The following PHF2 variants were observed in gnomAD, a reference collection of about 807,000 sequenced individuals.
The protein encoded by PHF2 is lysine-specific demethylase PHF2.
Under a neutral mutation model 120.5 loss-of-function variants are expected in PHF2, and 27 were observed. The observed-to-expected ratio is 0.22, with a 90% confidence interval of 0.17 to 0.31. The LOEUF (loss-of-function observed/expected upper bound fraction) is 0.31. Ranked by LOEUF, PHF2 falls within the 10% of genes least tolerant of loss-of-function variation. The pLI, the probability that PHF2 is intolerant of heterozygous loss-of-function variation, is 1.00. For missense variants in PHF2, 1,024 were observed against 1,434.8 expected (o/e 0.71, Z 4.63); for synonymous variants, 568 against 592.5 (o/e 0.96, Z 0.60).
intron 1 of PHF2, among the ~76,000 whole-genome samples, chr9:93,577,398 A>G (rs1173627208): frequency 2.0e-5 from 3 of 151,824 alleles, no homozygotes; most frequent in Non-Finnish European, 2.9e-5. Context: ...AGGGCTGGGG[A>G]GTCCGTGGGG....
At chr9:93,654,360 C>T in intron 6 of PHF2, 53 bp from the exon 7 acceptor site, 1 of 1,581,220 alleles carries the variant, frequency 6.3e-7, no homozygotes, top group South Asian at 1.1e-5. Flanking sequence ...CACTTGCACC[C>T]CCGACCCCCG....
chr9:93,580,703 A>G (rs989245925), intron 1 of PHF2, among the ~76,000 whole-genome samples: 3 of 152,176 alleles, frequency 2.0e-5, no homozygotes, highest in Non-Finnish European at 4.4e-5. Context: ...AGAAATTGAA[A>G]GCTGTTCAGG....
chr9:93,610,386 A>T (rs1317764884), intron 1 of PHF2, among the ~76,000 whole-genome samples: 3 of 152,104 alleles, frequency 2.0e-5, no homozygotes, highest in African/African-American at 7.2e-5. Flanking sequence ...CGGTCTATTG[A>T]TGAGCCCTTC....
intron 3 of PHF2, among the ~76,000 whole-genome samples, chr9:93,642,980 G>A (rs970600446): frequency 3.3e-5 from 5 of 151,756 alleles, no homozygotes; most frequent in East Asian, 3.9e-4. Flanking sequence ...GTGCCTTGCC[G>A]CATCCTCTTG....
intron 14 of PHF2, among the ~76,000 whole-genome samples, chr9:93,665,433 G>C (rs1433373916): frequency 6.6e-6 from 1 of 152,226 alleles, no homozygotes; most frequent in East Asian, 1.9e-4. Flanking sequence ...CCTCCTGTGG[G>C]CAGATAGCTT....
Position 93,645,701 on chromosome 9 carries a change from C to T in PHF2, c.372C>T (p.Thr124=), listed in dbSNP as rs9695734. ...TLGYMEEHGF[T]EPILVPKKDG... The stretch of plus-strand genomic sequence containing the variant: ...GCTACATGGAGGAGCACGGCTTCAC[C>T]GAGCCCATCCTCGTCCCTAAGAAAG... The change falls in exon 4 of 22, where the codon ACC becomes ACT. Residue 124 remains threonine, a synonymous_variant. Transcript: ENST00000359246. The T allele has an allele frequency of 0.16, 259,008 of 1,612,274 alleles. 21,884 individuals carry two copies. The highest frequency in any genetic ancestry group is 0.18 in the Non-Finnish European group (207,223 of 1,179,350).
chr9:93,620,033 A>G (rs1181322141), intron 1 of PHF2, among the ~76,000 whole-genome samples: 1 of 152,130 alleles, frequency 6.6e-6, no homozygotes, highest in Non-Finnish European at 1.5e-5. Flanking sequence ...AGCTCAGCCA[A>G]ATGCCCTGCT....
In PHF2 at chr9:93,645,693, G is replaced by A. The variant is rs1408839291; in HGVS notation, c.364G>A (p.Gly122Ser). Residue 122 changes from glycine (G) to serine (S), a missense_variant, in exon 4 of 22, where the codon GGC (glycine) becomes AGC (serine). By Grantham distance (56) the Gly-to-Ser change is moderately conservative. This residue lies in a region of PHF2 where 347 missense variants were observed against 577.4 expected (regional missense o/e 0.60). Coordinates refer to ENST00000359246, the MANE Select transcript of PHF2 (RefSeq NM_005392.4). Reference sequence around the variant, plus strand: ...CACGCTGGGCTACATGGAGGAGCACGGCTTCACCGAGCCCATCCTCGTCCC... The same window carrying A: ...CACGCTGGGCTACATGGAGGAGCACAGCTTCACCGAGCCCATCCTCGTCCC... ...QLTLGYMEEH[G>S]FTEPILVPKK... 3.7e-6 allele frequency: 6 copies of A among 1,612,902 alleles called. No homozygotes were observed. Among genetic ancestry groups the A allele is most frequent in the Non-Finnish European group, 5.1e-6 (6 of 1,179,592 alleles).
At chr9:93,610,543 CT>C (rs765284370) in intron 1 of PHF2, among the ~76,000 whole-genome samples, 6 of 152,220 alleles carry the variant, frequency 3.9e-5, no homozygotes, top group Non-Finnish European at 7.3e-5. Flanking sequence ...AATTTGTGAT[CT>C]GATCATTGCA....
At chr9:93,667,545 T>G (rs899305423) in intron 17 of PHF2, among the ~76,000 whole-genome samples, 4 of 152,202 alleles carry the variant, frequency 2.6e-5, no homozygotes, top group Non-Finnish European at 4.4e-5. Context: ...AATTTCCACA[T>G]GTACTACAGA....
In PHF2 at chr9:93,678,101, TA is replaced by T. The variant is rs942760548; in HGVS notation, c.*434del. On this transcript the variant is annotated 3_prime_UTR_variant, in exon 22 of 22. Coordinates refer to ENST00000359246, the MANE Select transcript of PHF2 (RefSeq NM_005392.4). ...CACAGGCTGGCAGCCTCCAGGGGCT[TA>T]AAAAAAAAGGCAAAGAACACAGAAA... 41 of 160,646 alleles carry T rather than the reference TA, an allele frequency of 2.6e-4. No homozygotes were observed. The highest frequency in any genetic ancestry group is 4.2e-4 in the Non-Finnish European group (31 of 74,374). 10.0% of individuals were successfully genotyped at this position (160,646 alleles called of 1,614,324 possible).
intron 1 of PHF2, among the ~76,000 whole-genome samples, chr9:93,604,336 C>CTT (rs1171344507): frequency 6.1e-5 from 8 of 131,736 alleles, no homozygotes; most frequent in East Asian, 2.1e-4. Context: ...AGCGAGACTT[C>CTT]TTTTTTTTTT....
At chr9:93,669,870 G>A (rs927086476) in intron 17 of PHF2, among the ~76,000 whole-genome samples, 3 of 152,172 alleles carry the variant, frequency 2.0e-5, no homozygotes, top group African/African-American at 7.2e-5. Context: ...CCACTGCCCT[G>A]GGTGCCTCAG....
intron 1 of PHF2, among the ~76,000 whole-genome samples, chr9:93,578,437 A>T (rs1862874355): frequency 6.6e-6 from 1 of 152,170 alleles, no homozygotes; most frequent in African/African-American, 2.4e-5. Flanking sequence ...ATATCCAGGG[A>T]TGCTGAGCTG....
intron 12 of PHF2, 105 bp downstream of exon 12, chr9:93,660,665 C>A (rs1826548681): frequency 8.9e-7 from 1 of 1,117,932 alleles, no homozygotes. Context: ...TCCTTGTTCC[C>A]CAGGGGCCCC....
intron 17 of PHF2, among the ~76,000 whole-genome samples, chr9:93,669,158 A>C (rs1826735613): frequency 1.3e-5 from 2 of 152,208 alleles, no homozygotes. Flanking sequence ...CCCAGACGGC[A>C]TGGCATGGAC....
At chr9:93,626,879 A>T (rs1825922639) in intron 1 of PHF2, among the ~76,000 whole-genome samples, 1 of 152,252 alleles carries the variant, frequency 6.6e-6, no homozygotes, top group Non-Finnish European at 1.5e-5. Context: ...GTCAAAAATC[A>T]GTTGGCTGTT....
chr9:93,618,592 T>G (rs1418355638), intron 1 of PHF2, among the ~76,000 whole-genome samples: 1 of 152,246 alleles, frequency 6.6e-6, no homozygotes, highest in Non-Finnish European at 1.5e-5. Flanking sequence ...ACCATACGCA[T>G]TCTTCTAAAA....
At chr9:93,581,522 G>T (rs965342546) in intron 1 of PHF2, among the ~76,000 whole-genome samples, 1 of 152,210 alleles carries the variant, frequency 6.6e-6, no homozygotes. Context: ...TTCTGGAGGA[G>T]GTGGGAAGAA....
Sources: gnomAD v4.1 joint callset for allele counts (sites outside exome capture counted in the v4.1 genomes callset) on GRCh38, gnomAD v4.1.1 for gene constraint, gnomAD v4.1.1 regional missense constraint, MANE v1.5 for transcripts, NCBI Gene and HGNC (gene_info 2026-07-23, HGNC 2026-07-21) for gene names.